The following DERA variants were observed in gnomAD, a reference collection of about 807,000 sequenced individuals.
DERA encodes the protein deoxyribose-phosphate aldolase, also known as 2-deoxy-D-ribose 5-phosphate aldolase.
In DERA, 15 loss-of-function variants were observed where a neutral mutation model predicts 41.1. The ratio of observed to expected loss-of-function variants is 0.37; its 90% CI spans 0.24 to 0.56. DERA has a LOEUF of 0.56. DERA is among the 20% of genes least tolerant of loss of function. The probability of loss-of-function intolerance (pLI) is 0.81; values close to 1 mark genes in which losing one functional copy is unlikely to be tolerated. For missense variants in DERA, 396 were observed against 403.4 expected (o/e 0.98, Z 0.16); for synonymous variants, 139 against 137.4 (o/e 1.01, Z -0.08).
In DERA at chr12:15,957,058, G is replaced by GT; in HGVS notation, c.129+26dup. ...GGTAAGGGTTCTTCTTGAGCATTCT[G>GT]TGCCTGTATTTTACAATGCATGGTC... On this transcript the variant is annotated intron_variant, in intron 2 of 8. Coordinates refer to ENST00000428559, the MANE Select transcript of DERA (RefSeq NM_015954.4). This position sits in a 1 kb window ranked among gnomAD's most constrained non-coding sequence, Gnocchi z 4.8. The GT allele has an allele frequency of 6.3e-7, 1 of 1,580,258 alleles. No homozygotes were observed. Among genetic ancestry groups the GT allele is most frequent in the Non-Finnish European group, 8.7e-7 (1 of 1,149,780 alleles).
At chr12:15,973,970 G>A (rs1450943613) in intron 5 of DERA, among the ~76,000 whole-genome samples, 1 of 152,036 alleles carries the variant, frequency 6.6e-6, no homozygotes, top group Non-Finnish European at 1.5e-5. Context: ...TGTAAAATTG[G>A]TACGCAAAAC....
chr12:15,958,836 A>G (rs1033478117), intron 3 of DERA, among the ~76,000 whole-genome samples: 1 of 152,234 alleles, frequency 6.6e-6, no homozygotes, highest in African/African-American at 2.4e-5. Flanking sequence ...ACATGAAAAG[A>G]AGGACTTTTC....
intron 6 of DERA, among the ~76,000 whole-genome samples, chr12:16,029,427 A>AAAATAAATAAAT (rs77820032): frequency 4.3e-4 from 64 of 150,530 alleles, no homozygotes; most frequent in African/African-American, 1.4e-3. Context: ...ACTCCGTCTC[A>AAAATAAATAAAT]AAATAAATAA....
intron 6 of DERA, among the ~76,000 whole-genome samples, chr12:15,986,622 T>G (rs1173792894): frequency 6.6e-6 from 1 of 152,166 alleles, no homozygotes; most frequent in Non-Finnish European, 1.5e-5. Flanking sequence ...CCTCATTGGT[T>G]CTTTGAGTTA....
chr12:16,024,123 A>T (rs1949037872), intron 6 of DERA, among the ~76,000 whole-genome samples: 1 of 152,250 alleles, frequency 6.6e-6, no homozygotes, highest in African/African-American at 2.4e-5. Context: ...ACTGGGAAGA[A>T]AAACCCCCAC....
At chr12:15,920,558 G>T (rs1464291617) in intron 1 of DERA, among the ~76,000 whole-genome samples, 2 of 152,198 alleles carry the variant, frequency 1.3e-5, no homozygotes, top group Non-Finnish European at 2.9e-5. Context: ...ATGGAAGCTG[G>T]GCGTGGTGGC....
chr12:15,952,530 A>G (rs982292194), intron 1 of DERA, among the ~76,000 whole-genome samples: 1 of 152,236 alleles, frequency 6.6e-6, no homozygotes, highest in African/African-American at 2.4e-5. Context: ...AAGTGTACAC[A>G]TTATAAAAAA....
chr12:15,926,668 G>A (rs1948287337), intron 1 of DERA, among the ~76,000 whole-genome samples: 1 of 151,604 alleles, frequency 6.6e-6, no homozygotes, highest in South Asian at 2.1e-4. Flanking sequence ...CCCGGGAGGC[G>A]GAGCTTGCAG....
At chr12:16,015,667 C>A (rs1948976531) in intron 6 of DERA, among the ~76,000 whole-genome samples, 1 of 152,180 alleles carries the variant, frequency 6.6e-6, no homozygotes, top group Non-Finnish European at 1.5e-5. Flanking sequence ...AGATAACTAT[C>A]TATTTAAACC....
At position 16,026,250 on chromosome 12, in the gene DERA, A is replaced by C. The variant is rs1178556263; in HGVS notation, c.638-6292A>C. On this transcript the variant is annotated intron_variant, in intron 6 of 8. Coordinates refer to ENST00000428559, the MANE Select transcript of DERA (RefSeq NM_015954.4). This position sits in a 1 kb window ranked among gnomAD's most constrained non-coding sequence, Gnocchi z 4.4. ...TTTTTTTTTAAATATCCTAAAAGCTACTTTTTTTTTTCTCCCCCCGTAAGA... is the reference window on the plus strand; with the variant it reads ...TTTTTTTTTAAATATCCTAAAAGCTCCTTTTTTTTTTCTCCCCCCGTAAGA... 4.6e-5 allele frequency among the ~76,000 whole-genome samples: 7 copies of C among 151,390 alleles called. No homozygotes were observed. The highest frequency in any genetic ancestry group is 1.5e-4 in the African/African-American group (6 of 41,054).
At chr12:16,027,947 A>G (rs1949063884) in intron 6 of DERA, among the ~76,000 whole-genome samples, 1 of 152,230 alleles carries the variant, frequency 6.6e-6, no homozygotes, top group African/African-American at 2.4e-5. Flanking sequence ...TTGGAATTTG[A>G]AATTTAGAAA....
In DERA at chr12:15,932,727, C is replaced by T. The variant is rs192056167; in HGVS notation, c.31+21313C>T. The stretch of plus-strand genomic sequence containing the variant: ...GAGAACATTTAAAGTCTATTGTTAA[C>T]GATTTTCAGGAATACAATGCATTGT... On this transcript the variant is annotated intron_variant, in intron 1 of 8. Coordinates refer to ENST00000428559, the MANE Select transcript of DERA (RefSeq NM_015954.4). Among the ~76,000 whole-genome samples the T allele has an allele frequency of 9.9e-5, 15 of 152,096 alleles. No individual in the cohort carries two copies. The East Asian group carries it at 1.9e-3, about 20-fold the overall frequency.
At chr12:16,007,143 T>C (rs1948916036) in intron 6 of DERA, among the ~76,000 whole-genome samples, 1 of 151,982 alleles carries the variant, frequency 6.6e-6, no homozygotes, top group South Asian at 2.1e-4. Context: ...ATGTTCATTA[T>C]AGACATTTTT....
Position 15,959,467 on chromosome 12 carries a change from A to G in DERA, c.278-362A>G, listed in dbSNP as rs1054850420. ...TCCTTCTTCAAACTGTCCTTTCTTC[A>G]GGTATGTCCTATGTGAATGCTCTGT... On this transcript the variant is annotated intron_variant, in intron 3 of 8. Transcript: ENST00000428559. The surrounding 1 kb of genome is among the most constrained non-coding windows in gnomAD (Gnocchi z 4.5). Among the ~76,000 whole-genome samples, 4 of 152,294 alleles carry G rather than the reference A, an allele frequency of 2.6e-5. No individual in the cohort carries two copies. The highest frequency in any genetic ancestry group is 5.9e-5 in the Non-Finnish European group (4 of 68,022).
intron 1 of DERA, among the ~76,000 whole-genome samples, chr12:15,952,222 T>C (rs866915305): frequency 6.6e-6 from 1 of 152,250 alleles, no homozygotes; most frequent in African/African-American, 2.4e-5. Flanking sequence ...TTTTAATGGC[T>C]GAATTGTATT....
Position 15,927,407 on chromosome 12 carries a change from C to T in DERA, c.31+15993C>T, listed in dbSNP as rs113209301. 4.9e-4 allele frequency among the ~76,000 whole-genome samples: 74 copies of T among 152,234 alleles called. 2 individuals carry two copies. The highest frequency in any genetic ancestry group is 1.7e-3 in the African/African-American group (72 of 41,536). On this transcript the variant is annotated intron_variant, in intron 1 of 8. Transcript: ENST00000428559. The stretch of plus-strand genomic sequence containing the variant: ...GTGTTCATACACTATTACTTAAGAA[C>T]AGTAACGCTTTTTTGTGGTTGCCAA...
chr12:15,911,709 C>T lies in DERA; in HGVS notation c.31+295C>T, dbSNP rs1269066272. 1 of 654,902 alleles carries T rather than the reference C, an allele frequency of 1.5e-6. No homozygotes were observed. Among genetic ancestry groups the T allele is most frequent in the Non-Finnish European group, 2.8e-6 (1 of 355,200 alleles). The allele number at this position is 654,902 out of a possible 1,614,324, so 40.6% of individuals were successfully genotyped here. On this transcript the variant is annotated intron_variant, in intron 1 of 8. Coordinates refer to ENST00000428559, the MANE Select transcript of DERA (RefSeq NM_015954.4). This position sits in a 1 kb window ranked among gnomAD's most constrained non-coding sequence, Gnocchi z 4.5. ...ACTCTAGCTCGCTGGTTGGAAAACC[C>T]AACAACCCAAAAAACAAAACCCAAA...
chr12:15,944,997 C>T (rs1017892223), intron 1 of DERA, among the ~76,000 whole-genome samples: 1 of 152,148 alleles, frequency 6.6e-6, no homozygotes, highest in Non-Finnish European at 1.5e-5. Flanking sequence ...ATCCTTTCCC[C>T]GTTTCTTGTT....
Position 15,995,641 on chromosome 12 carries a change from T to C in DERA, c.637+13205T>C, listed in dbSNP as rs990540960. ...GGAGAGATGTTAAAGCTGAAGGCAG[T>C]CTGAAAATGAAGGAATAGAGTAGGG... On this transcript the variant is annotated intron_variant, in intron 6 of 8. Coordinates refer to ENST00000428559, the MANE Select transcript of DERA (RefSeq NM_015954.4). The surrounding 1 kb of genome is among the most constrained non-coding windows in gnomAD (Gnocchi z 5.1). Among the ~76,000 whole-genome samples, 2 of 152,004 alleles carry C rather than the reference T, an allele frequency of 1.3e-5. No homozygotes were observed. The highest frequency in any genetic ancestry group is 4.8e-5 in the African/African-American group (2 of 41,380).
Sources: allele counts gnomAD v4.1 joint callset (sites outside exome capture counted in the v4.1 genomes callset), GRCh38; gene constraint gnomAD v4.1.1; non-coding constraint Gnocchi (gnomAD v3.1); transcripts MANE v1.5; gene names NCBI Gene and HGNC (gene_info 2026-07-23, HGNC 2026-07-21).